The following DUSP2 variants were observed in gnomAD, a reference collection of about 807,000 sequenced individuals.
The protein encoded by DUSP2 is dual specificity protein phosphatase 2.
DUSP2 carries 20 observed loss-of-function variants against 23.3 expected under a neutral mutation model. The observed-to-expected ratio is 0.86, with a 90% CI of 0.60 to 1.25. DUSP2 has a LOEUF of 1.25. Ranked by LOEUF, DUSP2 falls within the 50% of genes most tolerant of loss-of-function variation. The pLI, the probability that DUSP2 is intolerant of heterozygous loss-of-function variation, is 0.00. For synonymous variants in DUSP2, 231 were observed against 209.7 expected (o/e 1.10, Z -0.88); for missense variants, 435 against 452.6 (o/e 0.96, Z 0.35).
Position 96,145,276 on chromosome 2 carries a change from T to A in DUSP2, c.79A>T (p.Thr27Ser), listed in dbSNP as rs1219752181. 7.5e-7 allele frequency: 1 copy of A among 1,340,934 alleles called. No individual in the cohort carries two copies. The highest frequency in any genetic ancestry group is 1.5e-5 in the African/African-American group (1 of 65,804). 83.1% of individuals were successfully genotyped at this position (1,340,934 alleles called of 1,614,324 possible). A position where few individuals can be genotyped will look rare whatever the true frequency, so the allele number is the denominator to read the frequency against. Residue 27 changes from threonine to serine, a missense_variant, in exon 1 of 4, where the codon ACG becomes TCG. Coordinates refer to ENST00000288943, the MANE Select transcript of DUSP2 (RefSeq NM_004418.4). ...AAGGGGCGGCAGTCCAGCAGCAGCG[T>A]GCGTTCCGCCTCCCGCGGATCCCGC... ...LLRDPREAER[T>S]LLLDCRPFLA...
rs1225546947 is a variant in DUSP2 at position 96,144,171 on chromosome 2, T to G, written c.713A>C (p.Glu238Ala). 1 of 1,614,106 alleles carries G rather than the reference T, an allele frequency of 6.2e-7. No homozygotes were observed. The highest frequency in any genetic ancestry group is 1.3e-5 in the African/African-American group (1 of 75,042). Residue 238 changes from glutamate (E) to alanine (A), a missense_variant, in exon 3 of 4, where the codon GAG (glutamate) becomes GCG (alanine). Physicochemically the swap from Glu to Ala is moderately radical, Grantham distance 107. Coordinates refer to ENST00000288943, the MANE Select transcript of DUSP2 (RefSeq NM_004418.4). ...CCCCTTACCAATGAAGCCTATGGCC[T>G]CCTGGAACCAGGCACTGATCTCCAC... ...QMVEISAWFQ[E>A]AIGFIDWVKN...
chr2:96,144,245 A>G lies in DUSP2; in HGVS notation c.639T>C (p.Phe213=). ...TACTCTTGTAGCGGAAAAGGCCCTC[A>G]AAGTGGTTGGGGCAGCTGGCGGACA... ...LNVSASCPNH[F]EGLFRYKSIP... The change falls in exon 3 of 4, where the codon TTT becomes TTC. Residue 213 remains phenylalanine, a synonymous_variant. Transcript: ENST00000288943. 1 of 1,614,112 alleles carries G rather than the reference A, an allele frequency of 6.2e-7. No homozygotes were observed.
intron 2 of DUSP2, 126 bp from the exon 3 acceptor site, chr2:96,144,499 G>A (rs1682466309): frequency 1.1e-6 from 1 of 934,658 alleles, no homozygotes; most frequent in African/African-American, 1.7e-5. Context: ...CCTGACCTGA[G>A]ACAGGTCTCA....
In DUSP2 at chr2:96,144,265, C is replaced by T. The variant is rs751919546; in HGVS notation, c.619G>A (p.Ala207Thr). The T allele has an allele frequency of 8.1e-6, 13 of 1,613,818 alleles. No individual in the cohort carries two copies. The highest frequency in any genetic ancestry group is 1.1e-5 in the South Asian group (1 of 91,092). ...CGITAVLNVS[A>T]SCPNHFEGLF... Reference sequence around the variant, plus strand: ...CCCTCAAAGTGGTTGGGGCAGCTGGCGGACACGTTGAGGACGGCTGTGATG... The same window carrying T: ...CCCTCAAAGTGGTTGGGGCAGCTGGTGGACACGTTGAGGACGGCTGTGATG... Residue 207 changes from alanine to threonine, a missense_variant, in exon 3 of 4, where the codon GCC becomes ACC. Coordinates refer to ENST00000288943, the MANE Select transcript of DUSP2 (RefSeq NM_004418.4).
rs1573922742 is a variant in DUSP2, at chr2:96,144,563, A to G, written c.511-190T>C. 4.2e-6 allele frequency: 3 copies of G among 717,294 alleles called. No individual in the cohort carries two copies. The East Asian group carries it at 8.1e-5, about 19-fold the overall frequency. The allele number at this position is 717,294 out of a possible 1,614,324, so 44.4% of individuals were successfully genotyped here. On this transcript the variant is annotated intron_variant, in intron 2 of 3. Transcript: ENST00000288943. ...ACATTTCCCTTCATGCTCCCAACAT[A>G]CACATGCAAACATACACAGACCCAT... is the stretch of plus-strand genomic sequence containing the variant.
In DUSP2 at chr2:96,144,036, G is replaced by A; in HGVS notation, c.732C>T (p.Asp244=). The change falls in exon 4 of 4, where the codon GAC becomes GAT. Residue 244 remains aspartate, a splice_region_variant and synonymous_variant. Transcript: ENST00000288943. ...CCCGGCCTCCGCTGTTCTTCACCCA[G>A]TCTGCAAGGGAGATGGGGGAGTGGT... The part of the protein sequence containing the change: ...AWFQEAIGFI[D]WVKNSGGRVL... 6.2e-7 allele frequency: 1 copy of A among 1,613,720 alleles called. No individual in the cohort carries two copies. The highest frequency in any genetic ancestry group is 8.5e-7 in the Non-Finnish European group (1 of 1,179,966).
Position 96,143,599 on chromosome 2 carries a change from C to T in DUSP2, c.*224G>A, listed in dbSNP as rs1303941300. The T allele has an allele frequency of 1.5e-5, 9 of 599,252 alleles. No individual in the cohort carries two copies. Among genetic ancestry groups the T allele is most frequent in the East Asian group, 1.1e-4 (4 of 34,880 alleles). 37.1% of individuals were successfully genotyped at this position (599,252 alleles called of 1,614,324 possible). On this transcript the variant is annotated 3_prime_UTR_variant, in exon 4 of 4. Coordinates refer to ENST00000288943, the MANE Select transcript of DUSP2 (RefSeq NM_004418.4). ...AAAGAGCAGACACACCCTTGGTTCC[C>T]GACCCCGAATGAGGGCCAGCCTCAG...
At position 96,145,118 on chromosome 2, in the gene DUSP2, G is replaced by A; in HGVS notation, c.237C>T (p.Arg79=). ...CCCGCGCCAGCTCCCCGCGGACCAG[G>A]CGCGTCCGCAGCGCGCGGTCGGGCA... ...CLLPDRALRT[R]LVRGELARAV... Residue 79 remains arginine, a synonymous_variant, in exon 1 of 4, where the codon CGC becomes CGT. Transcript: ENST00000288943. The A allele has an allele frequency of 7.3e-7, 1 of 1,372,118 alleles. No homozygotes were observed. The highest frequency in any genetic ancestry group is 9.3e-7 in the Non-Finnish European group (1 of 1,073,650). 85.0% of individuals were successfully genotyped at this position (1,372,118 alleles called of 1,614,324 possible). A position where few individuals can be genotyped will look rare whatever the true frequency, so the allele number is the denominator to read the frequency against.
In DUSP2 at chr2:96,145,081, CCAG is replaced by C; in HGVS notation, c.271_273del (p.Leu91del). 2 of 1,489,686 alleles carry C rather than the reference CCAG, an allele frequency of 1.3e-6. No homozygotes were observed. The allele number at this position is 1,489,686 out of a possible 1,614,324, so 92.3% of individuals were successfully genotyped here. ...TCCGCCACCGAGGCACTGCCCTCGT[CCAG>C]CACCACGGCCCGCGCCAGCTCCCCG... On this transcript the variant is annotated inframe_deletion, in exon 1 of 4. Transcript: ENST00000288943.
In DUSP2 at chr2:96,144,784, A is replaced by T; in HGVS notation, c.487T>A (p.Ser163Thr). Reference sequence around the variant, plus strand: ...ACCTGGTCGTAGACAGGAGCCCTGGAGTCGGAGCGGCTGGTTTTGTCCCCT... The same window carrying T: ...ACCTGGTCGTAGACAGGAGCCCTGGTGTCGGAGCGGCTGGTTTTGTCCCCT... ...PTGDKTSRSD[S>T]RAPVYDQGGP... The change falls in exon 2 of 4, where the codon TCC (serine) becomes ACC (threonine). Residue 163 changes from serine to threonine, a missense_variant. Physicochemically the swap from Ser to Thr is moderately conservative, Grantham distance 58 (BLOSUM62 1). Transcript: ENST00000288943. 1 of 1,591,074 alleles carries T rather than the reference A, an allele frequency of 6.3e-7. No individual in the cohort carries two copies. The highest frequency in any genetic ancestry group is 8.5e-7 in the Non-Finnish European group (1 of 1,170,008).
At position 96,145,408 on chromosome 2, in the gene DUSP2, C is replaced by T. The variant is rs1355977201; in HGVS notation, c.-54G>A. ...CGGTCTTTCCCGCGTCCCGGGCTCT[C>T]GTGGCGGTGGCGCTGCCCGAGCGGT... On this transcript the variant is annotated 5_prime_UTR_variant, in exon 1 of 4. Transcript: ENST00000288943. The T allele has an allele frequency of 9.9e-6, 13 of 1,308,480 alleles. No homozygotes were observed. Among genetic ancestry groups the T allele is most frequent in the South Asian group, 4.4e-5 (2 of 45,380 alleles). The allele number at this position is 1,308,480 out of a possible 1,614,324, so 81.1% of individuals were successfully genotyped here.
In DUSP2 at chr2:96,144,340, G is replaced by A. The variant is rs1682461974; in HGVS notation, c.544C>T (p.Leu182=). The A allele has an allele frequency of 6.2e-7, 1 of 1,613,600 alleles. No individual in the cohort carries two copies. The highest frequency in any genetic ancestry group is 8.5e-7 in the Non-Finnish European group (1 of 1,179,940). Reference sequence around the variant, plus strand: ...TCTGACGAGTGACTGCAGCTGCCCAGGAACAGGTAGGGCAAGATCTCCACA... The same window carrying A: ...TCTGACGAGTGACTGCAGCTGCCCAAGAACAGGTAGGGCAAGATCTCCACA... ...GPVEILPYLF[L]GSCSHSSDLQ... Residue 182 remains leucine (L), a synonymous_variant, in exon 3 of 4, where the codon CTG becomes TTG. Coordinates refer to ENST00000288943, the MANE Select transcript of DUSP2 (RefSeq NM_004418.4).
rs1682484152 is a variant in DUSP2 at position 96,145,025 on chromosome 2, C to A, written c.330G>T (p.Leu110=). ...ELRPDSPAHV[L]LAALLHETRA... ...GGGTCTCGTGCAGCAGCGCGGCCAG[C>A]AGCACATGAGCCGGGCTGTCGGGCC... Residue 110 remains leucine (L), a synonymous_variant, in exon 1 of 4, where the codon CTG becomes CTT. Coordinates refer to ENST00000288943, the MANE Select transcript of DUSP2 (RefSeq NM_004418.4). The A allele has an allele frequency of 6.5e-7, 1 of 1,537,566 alleles. No homozygotes were observed. Among genetic ancestry groups the A allele is most frequent in the Non-Finnish European group, 8.7e-7 (1 of 1,147,780 alleles).
At position 96,144,306 on chromosome 2, in the gene DUSP2, C is replaced by T; in HGVS notation, c.578G>A (p.Gly193Glu). The stretch of plus-strand genomic sequence containing the variant: ...GGCTGTGATGCCACAGGCCTGCAGC[C>T]CCTGCAGGTCTGACGAGTGACTGCA... ...GSCSHSSDLQ[G>E]LQACGITAVL... Residue 193 changes from glycine to glutamate, a missense_variant, in exon 3 of 4, where the codon GGG (glycine) becomes GAG (glutamate). Transcript: ENST00000288943. 1 of 1,613,898 alleles carries T rather than the reference C, an allele frequency of 6.2e-7. No individual in the cohort carries two copies. The highest frequency in any genetic ancestry group is 8.5e-7 in the Non-Finnish European group (1 of 1,180,030).
In DUSP2 at chr2:96,145,054, G is replaced by A. The variant is rs1241971295; in HGVS notation, c.301C>T (p.Leu101Phe). The A allele has an allele frequency of 6.6e-7, 1 of 1,525,722 alleles. No homozygotes were observed. Among genetic ancestry groups the A allele is most frequent in the Non-Finnish European group, 8.8e-7 (1 of 1,142,368 alleles). 94.5% of individuals were successfully genotyped at this position (1,525,722 alleles called of 1,614,324 possible). ...LDEGSASVAE[L>F]RPDSPAHVLL... ...ACATGAGCCGGGCTGTCGGGCCGGAGCTCCGCCACCGAGGCACTGCCCTCG... is the reference window on the plus strand; with the variant it reads ...ACATGAGCCGGGCTGTCGGGCCGGAACTCCGCCACCGAGGCACTGCCCTCG... Residue 101 changes from leucine to phenylalanine, a missense_variant, in exon 1 of 4, where the codon CTC (leucine) becomes TTC (phenylalanine). Transcript: ENST00000288943.
At position 96,145,265 on chromosome 2, in the gene DUSP2, C is replaced by A. The variant is rs565763652; in HGVS notation, c.90G>T (p.Leu30=). The A allele has an allele frequency of 1.5e-6, 2 of 1,319,718 alleles. No individual in the cohort carries two copies. Among genetic ancestry groups the A allele is most frequent in the African/African-American group, 3.1e-5 (2 of 65,282 alleles). 81.8% of individuals were successfully genotyped at this position (1,319,718 alleles called of 1,614,324 possible). The change falls in exon 1 of 4, where the codon CTG becomes CTT. Residue 30 remains leucine, a synonymous_variant. Coordinates refer to ENST00000288943, the MANE Select transcript of DUSP2 (RefSeq NM_004418.4). The part of the protein sequence containing the change: ...DPREAERTLL[L]DCRPFLAFCR... Reference sequence around the variant, plus strand: ...AGAAGGCCAGGAAGGGGCGGCAGTCCAGCAGCAGCGTGCGTTCCGCCTCCC... The same window carrying A: ...AGAAGGCCAGGAAGGGGCGGCAGTCAAGCAGCAGCGTGCGTTCCGCCTCCC...
intron 1 of DUSP2, 30 bp from the exon 2 acceptor site, chr2:96,144,912 G>A: frequency 6.5e-7 from 1 of 1,548,442 alleles, no homozygotes; most frequent in Non-Finnish European, 8.7e-7. Context: ...ACGATCAGCA[G>A]GGAAAGCCGG....
Position 96,144,144 on chromosome 2 carries a change from G to T in DUSP2, c.730+10C>A, listed in dbSNP as rs745878412. 4 of 1,613,840 alleles carry T rather than the reference G, an allele frequency of 2.5e-6. No homozygotes were observed. The highest frequency in any genetic ancestry group is 2.5e-6 in the Non-Finnish European group (3 of 1,179,918). ...CCCCTCGGGATTTCTGGGCAGAGGT[G>T]CCCCCTTACCAATGAAGCCTATGGC... On this transcript the variant is annotated intron_variant, in intron 3 of 3. Coordinates refer to ENST00000288943, the MANE Select transcript of DUSP2 (RefSeq NM_004418.4).
Position 96,144,862 on chromosome 2 carries a change from C to T in DUSP2, c.409G>A (p.Gly137Ser), listed in dbSNP as rs1682478169. Residue 137 changes from glycine to serine, a missense_variant, in exon 2 of 4, where the codon GGC becomes AGC. By Grantham distance (56) the Gly-to-Ser change is moderately conservative. Coordinates refer to ENST00000288943, the MANE Select transcript of DUSP2 (RefSeq NM_004418.4). ...FLRGGFDGFQ[G>S]CCPDLCSEAP... ...TCAGAGCACAGATCGGGACAGCAGC[C>T]CTGGAAGCCGTCGAAGCCTCCTGCA... 1 of 1,552,258 alleles carries T rather than the reference C, an allele frequency of 6.4e-7. No individual in the cohort carries two copies. The highest frequency in any genetic ancestry group is 1.2e-5 in the South Asian group (1 of 84,116).
Sources: gnomAD v4.1 joint callset for allele counts on GRCh38, gnomAD v4.1.1 for gene constraint, MANE v1.5 for transcripts, NCBI Gene and HGNC (gene_info 2026-07-23, HGNC 2026-07-21) for gene names.